The following FRMD5 variants were observed in gnomAD, a reference collection of about 807,000 sequenced individuals.
FRMD5 encodes the protein FERM domain-containing protein 5.
A neutral mutation model predicts 69.0 loss-of-function variants in FRMD5; 20 were observed. That is an observed-to-expected ratio of 0.29 (90% CI 0.20 to 0.42). The LOEUF (loss-of-function observed/expected upper bound fraction) is 0.42. Among genes scored for constraint, FRMD5 ranks in the 10% least tolerant of loss-of-function variants. The pLI is 1.00. For synonymous variants in FRMD5, 271 were observed against 260.1 expected (o/e 1.04, Z -0.40); for missense variants, 595 against 708.6 (o/e 0.84, Z 1.82).
chr15:43,981,240 G>A (rs556514328), intron 1 of FRMD5, among the ~76,000 whole-genome samples: 63 of 152,224 alleles, frequency 4.1e-4, no homozygotes, highest in Non-Finnish European at 6.9e-4. Flanking sequence ...GATTACAGGC[G>A]TGAACCACCT....
chr15:43,916,997 C>A (rs911104183), intron 4 of FRMD5, among the ~76,000 whole-genome samples: 2 of 152,082 alleles, frequency 1.3e-5, no homozygotes, highest in African/African-American at 4.8e-5. Flanking sequence ...TCAGGCTGGT[C>A]TCAAACTCCT....
chr15:43,902,297 C>T (rs1264928355), intron 6 of FRMD5, 35 bp from the exon 7 acceptor site: 2 of 1,544,716 alleles, frequency 1.3e-6, no homozygotes, highest in African/African-American at 1.4e-5. Context: ...TTCAAGGTGT[C>T]TTGTTCCCAC....
At chr15:43,888,129 ACT>A in intron 10 of FRMD5, 44 bp downstream of exon 10, 1 of 1,455,108 alleles carries the variant, frequency 6.9e-7, no homozygotes, top group African/African-American at 1.4e-5. Flanking sequence ...ACTCTCTCTG[ACT>A]CTGGCTCTAA....
chr15:44,030,824 A>G (rs745566205), intron 1 of FRMD5, among the ~76,000 whole-genome samples: 1 of 152,208 alleles, frequency 6.6e-6, no homozygotes, highest in South Asian at 2.1e-4. Context: ...AGAAGAGGGA[A>G]GTGCTGGATG....
upstream of FRMD5, among the ~76,000 whole-genome samples, chr15:44,195,751 CCTAAGTTGGCCCG>C (rs2078284713): frequency 6.6e-6 from 1 of 152,204 alleles, no homozygotes. Context: ...TGTGCTGTAC[CCTAAGTTGGCCCG>C]TCTGGCCTCT....
chr15:44,066,579 G>A (rs1303303544), intron 1 of FRMD5, among the ~76,000 whole-genome samples: 1 of 152,198 alleles, frequency 6.6e-6, no homozygotes, highest in African/African-American at 2.4e-5. Context: ...GAGTTGTTCA[G>A]ATCTATCAGA....
At chr15:43,959,255 G>A (rs2090160636) in intron 1 of FRMD5, among the ~76,000 whole-genome samples, 1 of 152,168 alleles carries the variant, frequency 6.6e-6, no homozygotes, top group Non-Finnish European at 1.5e-5. Flanking sequence ...AGTACTGCCA[G>A]AATGATAAAT....
chr15:44,042,316 C>T (rs1169165856), intron 1 of FRMD5, among the ~76,000 whole-genome samples: 1 of 152,114 alleles, frequency 6.6e-6, no homozygotes, highest in Non-Finnish European at 1.5e-5. Flanking sequence ...AGTCCAGGAC[C>T]AGATGGATTC....
chr15:44,195,019 G>T lies in FRMD5; in HGVS notation c.36C>A (p.Ser12Arg). ...CGGTGCAGCTGTACTCGCGCTCCAG[G>T]CTCCTGCTGCTGCCGCTCATCAACC... ...LSRLMSGSSR[S>R]LEREYSCTVR... The change falls in exon 1 of 14, where the codon AGC becomes AGA. Residue 12 changes from serine to arginine, a missense_variant. Physicochemically the swap from Ser to Arg is moderately radical, Grantham distance 110. Around this residue, in one of 5 missense-constraint regions of FRMD5, gnomAD observed 44 missense variants for 33.6 expected, o/e 1.31. Coordinates refer to ENST00000417257, the MANE Select transcript of FRMD5 (RefSeq NM_032892.5). The T allele has an allele frequency of 1.3e-6, 2 of 1,556,852 alleles. No individual in the cohort carries two copies.
rs2089612721 is a variant in FRMD5 at position 43,927,916 on chromosome 15, T to G, written c.103-3607A>C. Among the ~76,000 whole-genome samples, 11 of 152,284 alleles carry G rather than the reference T, an allele frequency of 7.2e-5. No homozygotes were observed. In the South Asian group the frequency reaches 2.1e-3, roughly 29 times the overall value. On this transcript the variant is annotated intron_variant, in intron 1 of 13. Transcript: ENST00000417257. ...CAGACTTTTAATAAGAATCCTGCCTTTCATAAAACAACTCATTCTCATGGG... is the reference window on the plus strand; with the variant it reads ...CAGACTTTTAATAAGAATCCTGCCTGTCATAAAACAACTCATTCTCATGGG...
chr15:43,920,486 G>A lies in FRMD5; in HGVS notation c.208-677C>T, dbSNP rs186769170. Among the ~76,000 whole-genome samples, 45 of 152,320 alleles carry A rather than the reference G, an allele frequency of 3.0e-4. 1 individual carries two copies. In the East Asian group the frequency reaches 8.3e-3, roughly 28 times the overall value. On this transcript the variant is annotated intron_variant, in intron 2 of 13. Coordinates refer to ENST00000417257, the MANE Select transcript of FRMD5 (RefSeq NM_032892.5). ...ACCTTCTTCCCCTTGGATTTTTCAAGGAGGCAGGACATAGAGGCAGAATAC... is the reference window on the plus strand; with the variant it reads ...ACCTTCTTCCCCTTGGATTTTTCAAAGAGGCAGGACATAGAGGCAGAATAC...
chr15:43,934,240 G>A (rs759678182), intron 1 of FRMD5, among the ~76,000 whole-genome samples: 2 of 152,222 alleles, frequency 1.3e-5, no homozygotes, highest in Non-Finnish European at 2.9e-5. Context: ...CTTTGGCAGG[G>A]AGTTTGGGGC....
chr15:44,173,533 C>A (rs977181757), intron 1 of FRMD5, among the ~76,000 whole-genome samples: 1 of 151,968 alleles, frequency 6.6e-6, no homozygotes, highest in Non-Finnish European at 1.5e-5. Context: ...ATATTTTTTT[C>A]TTGAGACAGA....
intron 1 of FRMD5, among the ~76,000 whole-genome samples, chr15:44,160,253 G>A (rs2077594332): frequency 6.6e-6 from 1 of 152,218 alleles, no homozygotes; most frequent in Non-Finnish European, 1.5e-5. Context: ...CTACTCAGGA[G>A]GCTGAGGCAG....
chr15:44,058,367 G>A (rs952194675), intron 1 of FRMD5, among the ~76,000 whole-genome samples: 1 of 152,142 alleles, frequency 6.6e-6, no homozygotes, highest in African/African-American at 2.4e-5. Context: ...TGGAGTGACT[G>A]CTAAGGGGCA....
At chr15:43,886,944 T>C (rs1158167923) in intron 10 of FRMD5, among the ~76,000 whole-genome samples, 1 of 151,660 alleles carries the variant, frequency 6.6e-6, no homozygotes, top group Non-Finnish European at 1.5e-5. Context: ...ATTTCCAGTG[T>C]GGGTGCAGGC....
At chr15:44,124,585 G>A (rs1407326658) in intron 1 of FRMD5, among the ~76,000 whole-genome samples, 1 of 151,914 alleles carries the variant, frequency 6.6e-6, no homozygotes, top group Non-Finnish European at 1.5e-5. Context: ...TGTAGTCCCA[G>A]CTACTTGGGA....
intron 1 of FRMD5, among the ~76,000 whole-genome samples, chr15:44,039,864 T>C (rs1320404498): frequency 3.9e-5 from 6 of 151,966 alleles, no homozygotes. Flanking sequence ...AGGCGGGTAA[T>C]AACAAACTCC....
intron 1 of FRMD5, among the ~76,000 whole-genome samples, chr15:44,017,230 G>A (rs1264939890): frequency 2.0e-5 from 3 of 151,554 alleles, no homozygotes; most frequent in Non-Finnish European, 4.4e-5. Flanking sequence ...CTCAGCTACT[G>A]GGGAGGCTGA....
Sources: gnomAD v4.1 joint callset for allele counts (sites outside exome capture counted in the v4.1 genomes callset) on GRCh38, gnomAD v4.1.1 for gene constraint, gnomAD v4.1.1 regional missense constraint, MANE v1.5 for transcripts, NCBI Gene and HGNC (gene_info 2026-07-23, HGNC 2026-07-21) for gene names.